TTLL11: variants seen among roughly 807,000 people sequenced by gnomAD.
TTLL11 encodes tubulin polyglutamylase TTLL11.
TTLL11 carries 42 observed loss-of-function variants against 51.7 expected under a neutral mutation model. The observed-to-expected ratio is 0.81, with a 90% confidence interval of 0.64 to 1.05. The LOEUF is 1.05. TTLL11 is among the 50% of genes least tolerant of loss of function. The pLI, the probability that TTLL11 is intolerant of heterozygous loss-of-function variation, is 0.00. For synonymous variants in TTLL11, 381 were observed against 383.5 expected (o/e 0.99, Z 0.08); for missense variants, 799 against 940.4 (o/e 0.85, Z 1.97).
intron 1 of TTLL11, among the ~76,000 whole-genome samples, chr9:122,072,368 G>T (rs1266860112): frequency 6.6e-6 from 1 of 152,130 alleles, no homozygotes; most frequent in African/African-American, 2.4e-5. Context: ...AGTCAGCCAG[G>T]TGCGGTGGCT....
chr9:122,061,660 T>C (rs946178946), intron 1 of TTLL11, among the ~76,000 whole-genome samples: 1 of 152,176 alleles, frequency 6.6e-6, no homozygotes, highest in African/African-American at 2.4e-5. Context: ...TTTTTTGAGA[T>C]GGAGTCTCAC....
At chr9:122,010,198 A>G (rs970908689) in intron 3 of TTLL11, among the ~76,000 whole-genome samples, 3 of 152,208 alleles carry the variant, frequency 2.0e-5, no homozygotes, top group African/African-American at 7.2e-5. Context: ...TTTCCTCTTA[A>G]TCATCATTTA....
chr9:122,092,677 C>A lies in TTLL11; in HGVS notation c.462+10G>T. ...CTGTGCCCACGCGGCCGGGTCGGGC[C>A]GGGCCTCACCTCCTTCCACTTGAGC... On this transcript the variant is annotated intron_variant, in intron 1 of 8. Transcript: ENST00000321582. 2 of 1,536,612 alleles carry A rather than the reference C, an allele frequency of 1.3e-6. No homozygotes were observed. The highest frequency in any genetic ancestry group is 1.7e-6 in the Non-Finnish European group (2 of 1,146,728).
chr9:121,935,072 G>T (rs376633135), intron 6 of TTLL11, among the ~76,000 whole-genome samples: 1 of 151,686 alleles, frequency 6.6e-6, no homozygotes, highest in Non-Finnish European at 1.5e-5. Flanking sequence ...CTTCTGCCTC[G>T]GCCTCCTGAG....
rs140724529 is a variant in TTLL11 at position 121,942,529 on chromosome 9, C to T, written c.1481+31480G>A. On this transcript the variant is annotated intron_variant, in intron 6 of 8. Coordinates refer to ENST00000321582, the MANE Select transcript of TTLL11 (RefSeq NM_001139442.2). ...TAACCCCAGCTCCTAGAAGAGTGCC[C>T]GGTACACAGTGATTGCTCAATACAT... Among the ~76,000 whole-genome samples the T allele has an allele frequency of 6.1e-3, 934 of 151,958 alleles. 6 individuals carry two copies. Among genetic ancestry groups the T allele is most frequent in the African/African-American group, 0.021 (887 of 41,304 alleles).
At chr9:121,926,323 C>T (rs1840733091) in intron 6 of TTLL11, among the ~76,000 whole-genome samples, 1 of 152,228 alleles carries the variant, frequency 6.6e-6, no homozygotes, top group South Asian at 2.1e-4. Context: ...TTGCTGTTAT[C>T]CACACGCTCT....
At chr9:121,923,327 G>A (rs549094047) in intron 6 of TTLL11, among the ~76,000 whole-genome samples, 2 of 152,294 alleles carry the variant, frequency 1.3e-5, no homozygotes, top group Non-Finnish European at 1.5e-5. Context: ...GGTAGAACTC[G>A]AATAGCTTGT....
chr9:121,944,223 C>T (rs1437725405), intron 6 of TTLL11, among the ~76,000 whole-genome samples: 2 of 152,156 alleles, frequency 1.3e-5, no homozygotes, highest in African/African-American at 2.4e-5. Context: ...ATATTGAGTT[C>T]CGGGCCTGGT....
chr9:121,827,829 G>T (rs1176504047), intron 8 of TTLL11, among the ~76,000 whole-genome samples: 1 of 152,160 alleles, frequency 6.6e-6, no homozygotes, highest in Non-Finnish European at 1.5e-5. Context: ...CGGGGAGGAG[G>T]AGTCAGCGCA....
intron 3 of TTLL11, among the ~76,000 whole-genome samples, chr9:121,998,377 C>T (rs973453472): frequency 6.6e-6 from 1 of 152,116 alleles, no homozygotes; most frequent in African/African-American, 2.4e-5. Context: ...ACCTCCGCCT[C>T]CTGGGTTCAA....
intron 6 of TTLL11, among the ~76,000 whole-genome samples, chr9:121,941,303 C>T (rs897224567): frequency 6.6e-6 from 1 of 152,206 alleles, no homozygotes; most frequent in African/African-American, 2.4e-5. Flanking sequence ...TGCTTTCCTC[C>T]TCTACCCTCC....
At position 121,826,555 on chromosome 9, in the gene TTLL11, G is replaced by GTATATATATATA. The variant is rs1230489015; in HGVS notation, c.1841-3677_1841-3676insTATATATATATA. Among the ~76,000 whole-genome samples the GTATATATATATA allele has an allele frequency of 1.3e-3, 63 of 48,112 alleles. 1 individual carries two copies. Among genetic ancestry groups the GTATATATATATA allele is most frequent in the African/African-American group, 5.6e-3 (59 of 10,550 alleles). The allele number at this position is 48,112 out of a possible 152,430, so 31.6% of individuals were successfully genotyped here. A position where few individuals can be genotyped will look rare whatever the true frequency, so the allele number is the denominator to read the frequency against. On this transcript the variant is annotated intron_variant, in intron 8 of 8. Transcript: ENST00000321582. ...TGTGTGTGTATATATATATATGTGT[G>GTATATATATATA]TGTATATATATATATATATATATAT...
intron 3 of TTLL11, among the ~76,000 whole-genome samples, chr9:122,018,664 C>T (rs778476461): frequency 6.6e-6 from 1 of 152,174 alleles, no homozygotes; most frequent in African/African-American, 2.4e-5. Context: ...GGTGCCAGGG[C>T]GCTCCAGCAA....
At chr9:122,024,071 G>A (rs78274655) in intron 3 of TTLL11, among the ~76,000 whole-genome samples, 1,697 of 152,114 alleles carry the variant, frequency 0.011, 40 homozygotes, top group African/African-American at 0.039. Context: ...TACAAAATAA[G>A]CTACTAGAAC....
chr9:121,851,200 C>T (rs1355835526), intron 8 of TTLL11, among the ~76,000 whole-genome samples: 1 of 152,124 alleles, frequency 6.6e-6, no homozygotes, highest in African/African-American at 2.4e-5. Context: ...ACAGGGGGAG[C>T]ACAGGGAATT....
At chr9:121,863,642 G>A (rs1033899048) in intron 7 of TTLL11, among the ~76,000 whole-genome samples, 2 of 152,212 alleles carry the variant, frequency 1.3e-5, no homozygotes, top group African/African-American at 4.8e-5. Flanking sequence ...GATCCATGCT[G>A]GCTGCGGTAG....
chr9:121,917,207 C>T (rs759451617), intron 6 of TTLL11, among the ~76,000 whole-genome samples: 1 of 152,006 alleles, frequency 6.6e-6, no homozygotes, highest in Non-Finnish European at 1.5e-5. Flanking sequence ...GTGGCTCATG[C>T]CTATAATCCC....
intron 6 of TTLL11, among the ~76,000 whole-genome samples, chr9:121,946,626 C>T (rs752279810): frequency 5.1e-4 from 78 of 152,224 alleles, no homozygotes; most frequent in Non-Finnish European, 6.8e-4. Context: ...GCTAAGCCCG[C>T]TGACTTATTT....
chr9:122,087,577 G>A (rs982090667), intron 1 of TTLL11, among the ~76,000 whole-genome samples: 1 of 152,108 alleles, frequency 6.6e-6, no homozygotes, highest in African/African-American at 2.4e-5. Flanking sequence ...CAAAGGTCCC[G>A]CTATGAAATC....
Sources: allele counts gnomAD v4.1 joint callset (sites outside exome capture counted in the v4.1 genomes callset), GRCh38; gene constraint gnomAD v4.1.1; transcripts MANE v1.5; gene names NCBI Gene and HGNC (gene_info 2026-07-23, HGNC 2026-07-21).